Variants in KALRN observed in about 807,000 individuals in gnomAD.
KALRN encodes kalirin RhoGEF kinase.
KALRN carries 70 observed loss-of-function variants against 353.7 expected under a neutral mutation model. The ratio of observed to expected loss-of-function variants is 0.20; its 90% CI spans 0.16 to 0.24. The LOEUF (loss-of-function observed/expected upper bound fraction) is 0.24. KALRN is among the 10% of genes least tolerant of loss of function. KALRN has a pLI of 1.00. For synonymous variants in KALRN, 1,391 were observed against 1,434.8 expected (o/e 0.97, Z 0.69); for missense variants, 2,791 against 3,756.7 (o/e 0.74, Z 6.72).
chr3:124,406,404 A>G (rs1057467387), intron 13 of KALRN, among the ~76,000 whole-genome samples: 1 of 152,220 alleles, frequency 6.6e-6, no homozygotes, highest in East Asian at 1.9e-4. Flanking sequence ...GTGGTAACCT[A>G]TATCAAAAAT....
chr3:124,412,888 A>G (rs1292268763), intron 13 of KALRN, among the ~76,000 whole-genome samples: 1 of 152,240 alleles, frequency 6.6e-6, no homozygotes, highest in African/African-American at 2.4e-5. Context: ...GGTTTGATGG[A>G]CACCAGCTCT....
chr3:124,658,258 A>G (rs1286343818), intron 41 of KALRN, among the ~76,000 whole-genome samples, 173 bp from the exon 42 acceptor site: 2 of 151,962 alleles, frequency 1.3e-5, no homozygotes, highest in African/African-American at 4.8e-5. Flanking sequence ...CACCTTGGCG[A>G]TTTGGAAAGT....
At chr3:124,193,356 G>C (rs923309335) in intron 1 of KALRN, among the ~76,000 whole-genome samples, 3 of 151,720 alleles carry the variant, frequency 2.0e-5, no homozygotes, top group African/African-American at 7.3e-5. Flanking sequence ...TATGACCCTG[G>C]TTCCTGGTCA....
At chr3:124,227,183 G>A (rs530805892) in intron 1 of KALRN, among the ~76,000 whole-genome samples, 65 of 152,244 alleles carry the variant, frequency 4.3e-4, no homozygotes, top group Non-Finnish European at 5.4e-4. Flanking sequence ...CATTCTTTGT[G>A]AGCCCCAAGA....
At chr3:124,297,960 T>C (rs1006276863) in intron 5 of KALRN, among the ~76,000 whole-genome samples, 1 of 152,194 alleles carries the variant, frequency 6.6e-6, no homozygotes, top group Non-Finnish European at 1.5e-5. Context: ...TCTGTTTTCC[T>C]AGAAGTTTCT....
chr3:124,688,310 C>CAAAAAA (rs59265829), intron 51 of KALRN, among the ~76,000 whole-genome samples: 6 of 83,198 alleles, frequency 7.2e-5, no homozygotes, highest in Non-Finnish European at 1.5e-4. Flanking sequence ...GAGACCCTGT[C>CAAAAAA]AAAAAAAAAA....
At chr3:124,357,023 C>T (rs957788948) in intron 10 of KALRN, among the ~76,000 whole-genome samples, 2 of 152,288 alleles carry the variant, frequency 1.3e-5, no homozygotes. Flanking sequence ...ATTATATCAC[C>T]TCCCACCCCT....
intron 51 of KALRN, among the ~76,000 whole-genome samples, chr3:124,689,294 A>T (rs1382967727): frequency 6.6e-6 from 1 of 152,120 alleles, no homozygotes; most frequent in Admixed American, 6.5e-5. Context: ...GGCTTGCCAC[A>T]GCCTCAACTT....
intron 1 of KALRN, among the ~76,000 whole-genome samples, chr3:124,112,303 A>C (rs1433888951): frequency 6.9e-5 from 3 of 43,534 alleles, no homozygotes; most frequent in Non-Finnish European, 1.7e-4. Context: ...ACTCCATCTC[A>C]CAAAAAAAAA....
At chr3:124,040,439 T>G (rs189006061) in intron 1 of KALRN, among the ~76,000 whole-genome samples, 148 of 152,230 alleles carry the variant, frequency 9.7e-4, no homozygotes, top group Non-Finnish European at 1.9e-3. Context: ...CTGGAGACAT[T>G]TTTTTGGTGT....
At chr3:124,398,270 A>T (rs563804880) in intron 12 of KALRN, among the ~76,000 whole-genome samples, 66 of 152,268 alleles carry the variant, frequency 4.3e-4, no homozygotes, top group African/African-American at 1.1e-3. Context: ...GATTTTTTTT[A>T]AAATATGCCT....
intron 1 of KALRN, among the ~76,000 whole-genome samples, chr3:124,115,243 G>T (rs140120992): frequency 0.021 from 3,143 of 152,282 alleles, 102 homozygotes; most frequent in African/African-American, 0.07. Flanking sequence ...AGCTGGAAAG[G>T]TTGGTTGGGT....
chr3:124,544,959 A>C (rs1222847691), intron 33 of KALRN, among the ~76,000 whole-genome samples: 1 of 152,206 alleles, frequency 6.6e-6, no homozygotes, highest in African/African-American at 2.4e-5. Context: ...GGGCCTGCAG[A>C]CTGTAGTTGC....
At chr3:124,320,178 G>A (rs1020962266) in intron 6 of KALRN, among the ~76,000 whole-genome samples, 1 of 152,172 alleles carries the variant, frequency 6.6e-6, no homozygotes, top group Non-Finnish European at 1.5e-5. Flanking sequence ...TCAGCTGGTT[G>A]TTTGCATGGC....
At chr3:124,500,078 G>A (rs2064335284) in intron 33 of KALRN, among the ~76,000 whole-genome samples, 1 of 152,164 alleles carries the variant, frequency 6.6e-6, no homozygotes, top group Non-Finnish European at 1.5e-5. Flanking sequence ...CCTTGTTCCA[G>A]GACTAGCTGC....
chr3:124,346,507 C>T (rs1378162356), intron 9 of KALRN, among the ~76,000 whole-genome samples: 2 of 152,136 alleles, frequency 1.3e-5, no homozygotes, highest in Non-Finnish European at 2.9e-5. Flanking sequence ...AGGATGCAAA[C>T]ACTTTAATTT....
intron 1 of KALRN, among the ~76,000 whole-genome samples, chr3:124,142,101 C>A (rs983372531): frequency 1.3e-5 from 2 of 152,220 alleles, no homozygotes; most frequent in African/African-American, 4.8e-5. Context: ...CTCCATGCAG[C>A]CCTTCCCAAG....
At chr3:124,272,174 GA>G (rs1407190496) in intron 5 of KALRN, among the ~76,000 whole-genome samples, 1 of 152,058 alleles carries the variant, frequency 6.6e-6, no homozygotes, top group Non-Finnish European at 1.5e-5. Flanking sequence ...ATAAAATAAG[GA>G]AATAGTTATT....
chr3:124,527,608 AAAAAAGAAGAAG>A (rs1428794786), intron 33 of KALRN, among the ~76,000 whole-genome samples: 2 of 152,028 alleles, frequency 1.3e-5, no homozygotes, highest in Admixed American at 6.6e-5. Context: ...TTTAAAAAAA[AAAAAAGAAGAAG>A]AAGAAGAAGC....
Sources: gnomAD v4.1 joint callset for allele counts (sites outside exome capture counted in the v4.1 genomes callset) on GRCh38, gnomAD v4.1.1 for gene constraint, MANE v1.5 for transcripts, NCBI Gene and HGNC (gene_info 2026-07-23, HGNC 2026-07-21) for gene names.